ANKS1B: variants seen among roughly 807,000 people sequenced by gnomAD.
ANKS1B encodes the protein ankyrin repeat and sterile alpha motif domain-containing protein 1B.
A neutral mutation model predicts 148.3 loss-of-function variants in ANKS1B; 36 were observed. The ratio of observed to expected loss-of-function variants is 0.24; its 90% CI spans 0.19 to 0.32. ANKS1B has a LOEUF of 0.32. Ranked by LOEUF, ANKS1B falls within the 10% of genes least tolerant of loss-of-function variation. The pLI, the probability that ANKS1B is intolerant of heterozygous loss-of-function variation, is 1.00. For synonymous variants in ANKS1B, 542 were observed against 560.8 expected (o/e 0.97, Z 0.47); for missense variants, 1,157 against 1,542.6 (o/e 0.75, Z 4.19).
chr12:99,399,923 G>T, intron 11 of ANKS1B, 112 bp from the exon 12 acceptor site: 4 of 946,696 alleles, frequency 4.2e-6, no homozygotes, highest in Non-Finnish European at 6.5e-6. Context: ...AACTATCTGG[G>T]TTTTATACTT....
At chr12:99,239,089 C>A (rs1361327132) in intron 14 of ANKS1B, among the ~76,000 whole-genome samples, 7 of 152,074 alleles carry the variant, frequency 4.6e-5, no homozygotes, top group African/African-American at 1.7e-4. Flanking sequence ...ACAGAAGTAG[C>A]CTTCAGAAGG....
intron 8 of ANKS1B, among the ~76,000 whole-genome samples, chr12:99,714,388 A>C (rs776028630): frequency 1.3e-5 from 2 of 152,114 alleles, no homozygotes; most frequent in African/African-American, 2.4e-5. Flanking sequence ...GCTTTGCTTT[A>C]TTGCTCTTTG....
intron 8 of ANKS1B, among the ~76,000 whole-genome samples, chr12:99,735,349 A>C (rs1332112761): frequency 2.6e-5 from 4 of 152,206 alleles, no homozygotes; most frequent in Non-Finnish European, 5.9e-5. Flanking sequence ...CAAAAAGATA[A>C]AATTGGTAAA....
intron 15 of ANKS1B, among the ~76,000 whole-genome samples, chr12:99,152,736 G>A (rs948591337): frequency 6.6e-6 from 1 of 152,002 alleles, no homozygotes; most frequent in African/African-American, 2.4e-5. Context: ...TTCAGGGTTG[G>A]GAATGAGAAA....
chr12:99,189,387 C>T (rs111551036), intron 14 of ANKS1B, among the ~76,000 whole-genome samples: 2,243 of 152,020 alleles, frequency 0.015, 45 homozygotes, highest in African/African-American at 0.051. Flanking sequence ...AGAGAAACAA[C>T]AAAAAAAGAA....
At chr12:99,315,749 C>T (rs1422807153) in intron 12 of ANKS1B, among the ~76,000 whole-genome samples, 2 of 151,982 alleles carry the variant, frequency 1.3e-5, no homozygotes, top group African/African-American at 4.8e-5. Context: ...TATACATGTG[C>T]CATGTTGGTG....
At chr12:98,994,322 A>G (rs1194537219) in intron 17 of ANKS1B, among the ~76,000 whole-genome samples, 1 of 152,044 alleles carries the variant, frequency 6.6e-6, no homozygotes, top group Non-Finnish European at 1.5e-5. Flanking sequence ...AAGCATCAAG[A>G]TTTAGTGGTT....
At chr12:99,453,916 T>A (rs765525766) in intron 10 of ANKS1B, among the ~76,000 whole-genome samples, 9 of 151,870 alleles carry the variant, frequency 5.9e-5, no homozygotes, top group Non-Finnish European at 1.3e-4. Flanking sequence ...ACTAACCAAA[T>A]GAGGGGGCCA....
chr12:99,906,205 T>C (rs919284692), intron 1 of ANKS1B, among the ~76,000 whole-genome samples: 1 of 152,154 alleles, frequency 6.6e-6, no homozygotes, highest in Non-Finnish European at 1.5e-5. Flanking sequence ...CTAAAAGACA[T>C]GTCAACCTAG....
chr12:99,848,431 T>C (rs1215732805), intron 1 of ANKS1B, among the ~76,000 whole-genome samples: 1 of 151,780 alleles, frequency 6.6e-6, no homozygotes, highest in Non-Finnish European at 1.5e-5. Context: ...TGAGATGAAG[T>C]TTTCAAGTGG....
chr12:99,416,606 A>G (rs1567059759), intron 11 of ANKS1B, among the ~76,000 whole-genome samples: 2 of 152,266 alleles, frequency 1.3e-5, no homozygotes, highest in South Asian at 4.1e-4. Flanking sequence ...ATGATGTTGA[A>G]TATCTTTTCT....
chr12:98,879,870 C>A (rs1200238958), intron 17 of ANKS1B, among the ~76,000 whole-genome samples: 1 of 152,102 alleles, frequency 6.6e-6, no homozygotes, highest in East Asian at 1.9e-4. Context: ...TTTTTCCAAC[C>A]AGAAATGACA....
chr12:99,452,160 G>A (rs2095753277), intron 10 of ANKS1B, among the ~76,000 whole-genome samples: 2 of 152,046 alleles, frequency 1.3e-5, no homozygotes, highest in South Asian at 4.1e-4. Context: ...TGGGTAGCGA[G>A]AAGGCAGCCA....
At chr12:99,807,298 C>A (rs1408930618) in intron 3 of ANKS1B, among the ~76,000 whole-genome samples, 1 of 152,060 alleles carries the variant, frequency 6.6e-6, no homozygotes, top group African/African-American at 2.4e-5. Context: ...GATCAGTTCC[C>A]AGACAAGTTA....
chr12:99,395,475 C>T (rs1253563901), intron 12 of ANKS1B, among the ~76,000 whole-genome samples: 1 of 152,078 alleles, frequency 6.6e-6, no homozygotes, highest in East Asian at 1.9e-4. Flanking sequence ...GAAATATTTC[C>T]CCTCATCTTT....
intron 25 of ANKS1B, among the ~76,000 whole-genome samples, chr12:98,753,644 C>G (rs1247032073): frequency 6.6e-6 from 1 of 152,134 alleles, no homozygotes; most frequent in African/African-American, 2.4e-5. Flanking sequence ...TCAGGCTGAG[C>G]TTGAACTCCC....
rs1319217041 is a variant in ANKS1B at position 99,404,891 on chromosome 12, T to A, written c.1576-5080A>T. Reference sequence around the variant, plus strand: ...CAAAATTCAAGGATAAACAAAGGATTATAAATGCAGCAAGAGAAAAGAAGC... The same window carrying A: ...CAAAATTCAAGGATAAACAAAGGATAATAAATGCAGCAAGAGAAAAGAAGC... On this transcript the variant is annotated intron_variant, in intron 11 of 26. Transcript: ENST00000683438. Among the ~76,000 whole-genome samples, 2 of 145,928 alleles carry A rather than the reference T, an allele frequency of 1.4e-5. 1 individual carries two copies. Among genetic ancestry groups the A allele is most frequent in the African/African-American group, 5.2e-5 (2 of 38,490 alleles).
At chr12:99,069,688 A>C (rs376794524) in intron 16 of ANKS1B, among the ~76,000 whole-genome samples, 1 of 152,222 alleles carries the variant, frequency 6.6e-6, no homozygotes. Context: ...GGAATCTTGC[A>C]GTTTCTTGGG....
At chr12:99,345,841 A>G (rs1196485940) in intron 12 of ANKS1B, among the ~76,000 whole-genome samples, 3 of 152,016 alleles carry the variant, frequency 2.0e-5, no homozygotes, top group Admixed American at 1.3e-4. Context: ...ACCCAGCCTG[A>G]GCCTAAAAAA....
Sources: allele counts gnomAD v4.1 joint callset (sites outside exome capture counted in the v4.1 genomes callset), GRCh38; gene constraint gnomAD v4.1.1; transcripts MANE v1.5; gene names NCBI Gene and HGNC (gene_info 2026-07-23, HGNC 2026-07-21).